The following OTOA variants were observed in gnomAD, a reference collection of about 807,000 sequenced individuals.
The protein encoded by OTOA is otoancorin.
A neutral mutation model predicts 110.8 loss-of-function variants in OTOA; 70 were observed. That is an observed-to-expected ratio of 0.63 (90% CI 0.52 to 0.77). OTOA has a LOEUF of 0.77. Among genes scored for constraint, OTOA ranks in the 30% least tolerant of loss-of-function variants. OTOA has a pLI of 0.00. For missense variants in OTOA, 917 were observed against 1,075.8 expected (o/e 0.85, Z 2.06); for synonymous variants, 373 against 431.5 (o/e 0.86, Z 1.68).
intron 12 of OTOA, among the ~76,000 whole-genome samples, chr16:21,706,284 C>A (rs1457875524): frequency 2.0e-5 from 3 of 152,154 alleles, no homozygotes; most frequent in Admixed American, 1.3e-4. Flanking sequence ...GCCATTGCGC[C>A]CAGCTGACGC....
At chr16:21,687,735 T>C in intron 8 of OTOA, 87 bp downstream of exon 8, 8 of 1,157,616 alleles carry the variant, frequency 6.9e-6, no homozygotes, top group South Asian at 1.3e-5. Context: ...TGGTGCAGTC[T>C]CGGCTCACTG....
At chr16:21,704,613 G>C (rs946427915) in intron 11 of OTOA, among the ~76,000 whole-genome samples, 10 of 152,104 alleles carry the variant, frequency 6.6e-5, no homozygotes, top group African/African-American at 2.2e-4. Context: ...GACTGGGGAG[G>C]GGGTGTCGTG....
chr16:21,693,505 A>T (rs974336870), intron 9 of OTOA, among the ~76,000 whole-genome samples: 1 of 152,138 alleles, frequency 6.6e-6, no homozygotes, highest in Non-Finnish European at 1.5e-5. Flanking sequence ...GTTGGTGGAG[A>T]CAATTTTTTT....
chr16:21,687,635 G>A lies in OTOA; in HGVS notation c.622G>A (p.Ala208Thr). Reference sequence around the variant, plus strand: ...GCTCCCTCGGGACCTGCGCGAGGATGCCTTTAAGAACCTGTGAGTGGTTCC... The same window carrying A: ...GCTCCCTCGGGACCTGCGCGAGGATACCTTTAAGAACCTGTGAGTGGTTCC... ...ERLPRDLRED[A>T]FKNLSAVFKD... Residue 208 changes from alanine (A) to threonine (T), a missense_variant, in exon 8 of 29, where the codon GCC becomes ACC. Coordinates refer to ENST00000646100, the MANE Select transcript of OTOA (RefSeq NM_144672.4). 6.2e-7 allele frequency: 1 copy of A among 1,611,816 alleles called. No homozygotes were observed. Among genetic ancestry groups the A allele is most frequent in the Non-Finnish European group, 8.5e-7 (1 of 1,179,292 alleles).
At chr16:21,720,782 G>A (rs905934790) in intron 17 of OTOA, among the ~76,000 whole-genome samples, 1 of 152,146 alleles carries the variant, frequency 6.6e-6, no homozygotes, top group Non-Finnish European at 1.5e-5. Flanking sequence ...CTACATGTTC[G>A]AGCAGGAAGA....
intron 6 of OTOA, chr16:21,684,308 G>A: frequency 3.0e-6 from 4 of 1,340,330 alleles, no homozygotes; most frequent in Non-Finnish European, 3.8e-6. Context: ...CATCACACTG[G>A]GCATGTCTGT....
At chr16:21,727,370 G>A (rs1468152925) in intron 19 of OTOA, among the ~76,000 whole-genome samples, 3 of 152,014 alleles carry the variant, frequency 2.0e-5, no homozygotes, top group African/African-American at 4.8e-5. Context: ...TAATGTAAAG[G>A]CTCAAAGGCC....
chr16:21,707,645 CTTTCTTTCTTTCTCTT>C (rs1424471195), intron 12 of OTOA, among the ~76,000 whole-genome samples: 1 of 104,124 alleles, frequency 9.6e-6, no homozygotes, highest in African/African-American at 3.2e-5. Flanking sequence ...TTCTTTCTTT[CTTTCTTTCTTTCTCTT>C]TCTTTCTCTT....
intron 9 of OTOA, among the ~76,000 whole-genome samples, chr16:21,693,865 T>C (rs1426407418): frequency 6.6e-6 from 1 of 151,618 alleles, no homozygotes; most frequent in Non-Finnish European, 1.5e-5. Flanking sequence ...CATAAACCAC[T>C]GCACCCAGGC....
intron 13 of OTOA, among the ~76,000 whole-genome samples, chr16:21,713,124 G>A (rs558407142): frequency 5.9e-5 from 9 of 152,028 alleles, no homozygotes; most frequent in South Asian, 4.2e-4. Flanking sequence ...CCACTACGCC[G>A]GGCTGATTTT....
intron 17 of OTOA, chr16:21,721,546 G>C (rs942696210): frequency 2.2e-6 from 1 of 453,614 alleles, no homozygotes. Flanking sequence ...GTGTTTCAGA[G>C]GTAACTATAA....
At chr16:21,718,367 G>A (rs1194296370) in intron 15 of OTOA, among the ~76,000 whole-genome samples, 1 of 152,126 alleles carries the variant, frequency 6.6e-6, no homozygotes, top group Non-Finnish European at 1.5e-5. Flanking sequence ...AAGACCATGG[G>A]AGGGTCCCAG....
At chr16:21,668,459 CTTTTTT>C (rs374673931) in intron 1 of OTOA, among the ~76,000 whole-genome samples, 1 of 122,072 alleles carries the variant, frequency 8.2e-6, no homozygotes, top group Non-Finnish European at 1.7e-5. Flanking sequence ...TTGTTTCTTT[CTTTTTT>C]TTTTTTTTTT....
intron 18 of OTOA, among the ~76,000 whole-genome samples, chr16:21,725,565 T>A (rs1034363190): frequency 6.6e-6 from 1 of 152,130 alleles, no homozygotes; most frequent in Non-Finnish European, 1.5e-5. Flanking sequence ...ATTATAGCTG[T>A]GAGCCACCAC....
At chr16:21,737,801 A>G (rs1899375949) in intron 22 of OTOA, among the ~76,000 whole-genome samples, 1 of 152,258 alleles carries the variant, frequency 6.6e-6, no homozygotes, top group African/African-American at 2.4e-5. Context: ...TATAGATGTG[A>G]GCTACCATGC....
At chr16:21,714,300 T>TTCCTTC (rs1898455390) in intron 13 of OTOA, among the ~76,000 whole-genome samples, 8 of 100,342 alleles carry the variant, frequency 8.0e-5, no homozygotes, top group African/African-American at 1.8e-4. Context: ...TCTTTTCCTT[T>TTCCTTC]CTTCCTTCCT....
At chr16:21,703,597 C>T (rs549428041) in intron 11 of OTOA, among the ~76,000 whole-genome samples, 5 of 152,112 alleles carry the variant, frequency 3.3e-5, no homozygotes, top group Non-Finnish European at 7.4e-5. Context: ...TGGTTATTAA[C>T]GTTCAGCCCT....
chr16:21,691,016 C>T (rs1897819429), intron 8 of OTOA, among the ~76,000 whole-genome samples: 1 of 142,496 alleles, frequency 7.0e-6, no homozygotes, highest in Non-Finnish European at 1.5e-5. Flanking sequence ...CTTGCTGTGC[C>T]CAAGTGATCT....
intron 13 of OTOA, among the ~76,000 whole-genome samples, chr16:21,710,783 A>T (rs1185456775): frequency 6.6e-6 from 1 of 152,114 alleles, no homozygotes; most frequent in East Asian, 1.9e-4. Context: ...TGGGAGGATC[A>T]CCTGACGCCA....
Sources: allele counts gnomAD v4.1 joint callset (sites outside exome capture counted in the v4.1 genomes callset), GRCh38; gene constraint gnomAD v4.1.1; transcripts MANE v1.5; gene names NCBI Gene and HGNC (gene_info 2026-07-23, HGNC 2026-07-21).